Variants in NCOA1 observed in about 807,000 individuals in gnomAD.
NCOA1 encodes the protein nuclear receptor coactivator 1, also known as Hin-2 protein.
Under a neutral mutation model 150.9 loss-of-function variants are expected in NCOA1, and 35 were observed. The observed-to-expected ratio is 0.23, with a 90% confidence interval of 0.18 to 0.31. NCOA1 has a LOEUF of 0.31. Ranked by LOEUF, NCOA1 falls within the 10% of genes least tolerant of loss-of-function variation. The pLI is 1.00. For synonymous variants in NCOA1, 590 were observed against 630.0 expected (o/e 0.94, Z 0.95); for missense variants, 1,491 against 1,749.3 (o/e 0.85, Z 2.63).
At chr2:24,693,849 G>A (rs1444780624) in intron 10 of NCOA1, among the ~76,000 whole-genome samples, 2 of 152,012 alleles carry the variant, frequency 1.3e-5, no homozygotes, top group Non-Finnish European at 2.9e-5. Context: ...ATGATTCAGT[G>A]ACAAATTGTG....
chr2:24,682,176 A>T (rs1672207477), intron 7 of NCOA1, among the ~76,000 whole-genome samples: 3 of 152,104 alleles, frequency 2.0e-5, no homozygotes, highest in Admixed American at 2.0e-4. Context: ...TTTTTTCAGG[A>T]TCTTGATTTT....
intron 1 of NCOA1, among the ~76,000 whole-genome samples, chr2:24,505,823 T>C (rs1462343165): frequency 2.0e-5 from 3 of 152,170 alleles, no homozygotes; most frequent in African/African-American, 7.2e-5. Context: ...TTGAAAAACA[T>C]ATTGGATGAA....
At chr2:24,520,826 A>G (rs866462571) in intron 1 of NCOA1, among the ~76,000 whole-genome samples, 3 of 152,326 alleles carry the variant, frequency 2.0e-5, no homozygotes, top group Non-Finnish European at 1.5e-5. Flanking sequence ...GGAAAAGGTC[A>G]AAGTCTGTGT....
chr2:24,686,361 T>C (rs1672404174), intron 8 of NCOA1, among the ~76,000 whole-genome samples: 1 of 152,196 alleles, frequency 6.6e-6, no homozygotes, highest in Admixed American at 6.5e-5. Flanking sequence ...AGGGGGCTTT[T>C]GTTAGTAATT....
chr2:24,710,153 G>T (rs980229844), intron 13 of NCOA1, among the ~76,000 whole-genome samples: 2 of 152,028 alleles, frequency 1.3e-5, no homozygotes, highest in Non-Finnish European at 2.9e-5. Flanking sequence ...GAGTGCAGTG[G>T]CACGATCTCG....
intron 2 of NCOA1, among the ~76,000 whole-genome samples, chr2:24,578,214 G>A (rs1032847872): frequency 6.6e-6 from 1 of 152,128 alleles, no homozygotes; most frequent in African/African-American, 2.4e-5. Context: ...CATAAAATCT[G>A]TCAGTGGTAG....
intron 7 of NCOA1, chr2:24,676,355 A>G (rs1272884318): frequency 6.6e-6 from 1 of 152,228 alleles, no homozygotes; most frequent in Non-Finnish European, 1.5e-5. Context: ...CAATACAGAG[A>G]AGATTATCAT....
chr2:24,523,924 CAAAAAAAAA>C (rs70947825), intron 1 of NCOA1, among the ~76,000 whole-genome samples: 7 of 49,538 alleles, frequency 1.4e-4, no homozygotes, highest in Admixed American at 3.4e-4. Context: ...GACTCTGTCT[CAAAAAAAAA>C]AAAAAAAAAA....
intron 1 of NCOA1, among the ~76,000 whole-genome samples, chr2:24,522,961 A>G (rs1664479708): frequency 6.6e-6 from 1 of 152,224 alleles, no homozygotes; most frequent in African/African-American, 2.4e-5. Flanking sequence ...TTATAAGCCA[A>G]TAATTGTAGA....
chr2:24,542,593 CTT>C (rs1665443104), intron 1 of NCOA1, among the ~76,000 whole-genome samples: 1 of 152,080 alleles, frequency 6.6e-6, no homozygotes, highest in South Asian at 2.1e-4. Flanking sequence ...CTAGTGAAAA[CTT>C]TATCGCCAAA....
chr2:24,614,754 C>G (rs1446356698), intron 3 of NCOA1, among the ~76,000 whole-genome samples: 4 of 152,094 alleles, frequency 2.6e-5, no homozygotes, highest in Non-Finnish European at 4.4e-5. Context: ...CTGAGAACCA[C>G]TGACATAGAA....
chr2:24,491,501 C>CGGCGGCGGCGGCGGCA lies in NCOA1; in HGVS notation c.-493_-492insGCGGCGGCGGCAGGCG, dbSNP rs1553417989. On this transcript the variant is annotated 5_prime_UTR_variant, in exon 1 of 23. Transcript: ENST00000348332. ...TCCGGAGGAGGGGGCCGGAGAGCCG[C>CGGCGGCGGCGGCGGCA]GGCGCCGGGCCCGAGGAGCGGCGGA... Among the ~76,000 whole-genome samples the CGGCGGCGGCGGCGGCA allele has an allele frequency of 2.9e-5, 4 of 139,976 alleles. No homozygotes were observed. Among genetic ancestry groups the CGGCGGCGGCGGCGGCA allele is most frequent in the African/African-American group, 1.1e-4 (4 of 37,808 alleles). The allele number at this position is 139,976 out of a possible 152,430, so 91.8% of individuals were successfully genotyped here. A position where few individuals can be genotyped will look rare whatever the true frequency, so the allele number is the denominator to read the frequency against.
intron 19 of NCOA1, among the ~76,000 whole-genome samples, chr2:24,750,758 C>T (rs570596255): frequency 8.6e-5 from 13 of 151,920 alleles, no homozygotes; most frequent in South Asian, 2.1e-4. Context: ...GTGGTAATGG[C>T]GGCACAACTC....
chr2:24,687,511 C>A (rs1307986156), intron 8 of NCOA1, among the ~76,000 whole-genome samples: 2 of 152,134 alleles, frequency 1.3e-5, no homozygotes, highest in Non-Finnish European at 2.9e-5. Context: ...TTCCCTGAGA[C>A]TGGGGTAATT....
Position 24,677,035 on chromosome 2 carries a change from C to T in NCOA1, c.354+3572C>T, listed in dbSNP as rs562982441. Among the ~76,000 whole-genome samples, 4 of 152,270 alleles carry T rather than the reference C, an allele frequency of 2.6e-5. No individual in the cohort carries two copies. In the East Asian group the frequency reaches 5.8e-4, roughly 22 times the overall value. On this transcript the variant is annotated intron_variant, in intron 7 of 22. Transcript: ENST00000348332. ...GGGAGAGTATATTAGTCAGTTTTCA[C>T]ACTGCTATAAAGAATACCTGATTTG... is the stretch of plus-strand genomic sequence containing the variant.
chr2:24,636,406 A>C (rs1309756660), intron 3 of NCOA1, among the ~76,000 whole-genome samples: 2 of 152,180 alleles, frequency 1.3e-5, no homozygotes, highest in Non-Finnish European at 1.5e-5. Flanking sequence ...GAAACAATTG[A>C]TATTTTTATA....
chr2:24,550,268 A>T (rs74345547), intron 1 of NCOA1, among the ~76,000 whole-genome samples: 3,760 of 152,244 alleles, frequency 0.025, 49 homozygotes, highest in South Asian at 0.033. Flanking sequence ...TTTCAGCAGC[A>T]CCCCCGACTC....
At chr2:24,532,466 G>A (rs911623769) in intron 1 of NCOA1, among the ~76,000 whole-genome samples, 3 of 152,050 alleles carry the variant, frequency 2.0e-5, no homozygotes, top group Non-Finnish European at 4.4e-5. Flanking sequence ...ATTAGATCCT[G>A]TTTGTCAATT....
intron 3 of NCOA1, among the ~76,000 whole-genome samples, chr2:24,623,157 A>G (rs922775127): frequency 2.0e-5 from 3 of 152,230 alleles, no homozygotes; most frequent in Non-Finnish European, 2.9e-5. Context: ...TTTGCTAGGA[A>G]GTTCACCTCA....
Sources: allele counts gnomAD v4.1 joint callset (sites outside exome capture counted in the v4.1 genomes callset), GRCh38; gene constraint gnomAD v4.1.1; transcripts MANE v1.5; gene names NCBI Gene and HGNC (gene_info 2026-07-23, HGNC 2026-07-21).